GNAI3: variants seen among roughly 807,000 people sequenced by gnomAD.
The protein encoded by GNAI3 is G protein subunit alpha i3.
In GNAI3, 12 loss-of-function variants were observed where a neutral mutation model predicts 41.8. The ratio of observed to expected loss-of-function variants is 0.29; its 90% CI spans 0.18 to 0.47. The LOEUF (loss-of-function observed/expected upper bound fraction) is 0.47. Ranked by LOEUF, GNAI3 falls within the 20% of genes least tolerant of loss-of-function variation. The probability of loss-of-function intolerance (pLI) is 1.00; values close to 1 mark genes in which losing one functional copy is unlikely to be tolerated. For synonymous variants in GNAI3, 132 were observed against 146.5 expected (o/e 0.90, Z 0.71); for missense variants, 360 against 429.6 (o/e 0.84, Z 1.43).
chr1:109,553,198 T>C (rs943946052), intron 1 of GNAI3, among the ~76,000 whole-genome samples: 1 of 152,184 alleles, frequency 6.6e-6, no homozygotes, highest in African/African-American at 2.4e-5. Flanking sequence ...TTAATATCCT[T>C]TTGTGGTGAA....
At chr1:109,568,813 G>A (rs544632141) in intron 1 of GNAI3, among the ~76,000 whole-genome samples, 1 of 152,230 alleles carries the variant, frequency 6.6e-6, no homozygotes, top group African/African-American at 2.4e-5. Context: ...TGGGATTACA[G>A]GTGTGTGCTA....
intron 7 of GNAI3, among the ~76,000 whole-genome samples, chr1:109,588,825 G>A (rs1254670056): frequency 1.3e-5 from 2 of 151,416 alleles, no homozygotes; most frequent in Non-Finnish European, 3.0e-5. Context: ...CCCGGGAGGC[G>A]GAGGTTGCGG....
At chr1:109,551,331 A>T (rs1647978718) in intron 1 of GNAI3, among the ~76,000 whole-genome samples, 1 of 152,194 alleles carries the variant, frequency 6.6e-6, no homozygotes, top group Admixed American at 6.5e-5. Context: ...AATGTACCCA[A>T]AACAGTATAC....
chr1:109,554,002 C>T (rs1648074452), intron 1 of GNAI3, among the ~76,000 whole-genome samples: 1 of 152,090 alleles, frequency 6.6e-6, no homozygotes, highest in Non-Finnish European at 1.5e-5. Context: ...TAATCGTCTC[C>T]AGTTCCATCC....
intron 1 of GNAI3, among the ~76,000 whole-genome samples, chr1:109,560,888 T>C (rs1485683212): frequency 6.6e-6 from 1 of 152,180 alleles, no homozygotes; most frequent in Non-Finnish European, 1.5e-5. Flanking sequence ...AAAGTGAGTT[T>C]TGCCTAGGAT....
rs1649167804 is a variant in GNAI3, at chr1:109,591,426, CTG to C, written c.875-615_875-614del. 18 of 679,806 alleles carry C rather than the reference CTG, an allele frequency of 2.6e-5. No individual in the cohort carries two copies. The East Asian group carries it at 4.9e-4, about 18-fold the overall frequency. 42.1% of individuals were successfully genotyped at this position (679,806 alleles called of 1,614,324 possible). On this transcript the variant is annotated intron_variant, in intron 7 of 8. Transcript: ENST00000369851. The stretch of plus-strand genomic sequence containing the variant: ...TGGAAAAAGGACATCTAAAAGCAAA[CTG>C]TATCCTTCTCAACAATTTCTCACTT...
intron 1 of GNAI3, among the ~76,000 whole-genome samples, chr1:109,551,133 A>G (rs957959272): frequency 1.3e-5 from 2 of 152,250 alleles, no homozygotes; most frequent in Non-Finnish European, 2.9e-5. Flanking sequence ...GTAAAAATCA[A>G]AGTACTAAAC....
intron 4 of GNAI3, among the ~76,000 whole-genome samples, chr1:109,580,209 A>G (rs1382060330): frequency 6.6e-6 from 1 of 152,166 alleles, no homozygotes. Flanking sequence ...CGTGTTAGCC[A>G]GGATGGTCTC....
At chr1:109,559,728 G>T (rs771541975) in intron 1 of GNAI3, among the ~76,000 whole-genome samples, 1 of 152,098 alleles carries the variant, frequency 6.6e-6, no homozygotes, top group Non-Finnish European at 1.5e-5. Context: ...AATTTTAATT[G>T]TCTTTTGGTA....
intron 3 of GNAI3, among the ~76,000 whole-genome samples, chr1:109,576,925 A>G (rs1648762296): frequency 6.6e-6 from 1 of 152,188 alleles, no homozygotes; most frequent in Non-Finnish European, 1.5e-5. Flanking sequence ...TTGCTCCTAA[A>G]AGAATATTTA....
At position 109,594,888 on chromosome 1, in the gene GNAI3, C is replaced by CA. The variant is rs1030637642; in HGVS notation, c.*2567dup. 6.6e-6 allele frequency: 1 copy of CA among 152,194 alleles called. No homozygotes were observed. The highest frequency in any genetic ancestry group is 2.4e-5 in the African/African-American group (1 of 41,418). The allele number at this position is 152,194 out of a possible 1,614,324, so 9.4% of individuals were successfully genotyped here. A position where few individuals can be genotyped will look rare whatever the true frequency, so the allele number is the denominator to read the frequency against. ...CCCTGACCTCGTGATCTGCCTGCCT[C>CA]AGCCTCCCAAAGTGCTGGGATTACA... On this transcript the variant is annotated 3_prime_UTR_variant, in exon 9 of 9. Coordinates refer to ENST00000369851, the MANE Select transcript of GNAI3 (RefSeq NM_006496.4).
chr1:109,591,557 T>G (rs1649171806), intron 7 of GNAI3: 3 of 686,938 alleles, frequency 4.4e-6, no homozygotes, highest in Admixed American at 2.2e-5. Context: ...GCTTCACGAA[T>G]TTGCGTGTCA....
intron 1 of GNAI3, among the ~76,000 whole-genome samples, chr1:109,549,175 C>T (rs1218173697): frequency 2.6e-5 from 4 of 152,094 alleles, no homozygotes; most frequent in Non-Finnish European, 4.4e-5. Context: ...GAAGGTTTTA[C>T]GTTGGGTTGG....
chr1:109,558,582 C>G (rs1171488083), intron 1 of GNAI3, among the ~76,000 whole-genome samples: 1 of 152,142 alleles, frequency 6.6e-6, no homozygotes, highest in African/African-American at 2.4e-5. Context: ...ATGCATATAA[C>G]CAGCTCAGGG....
At chr1:109,580,083 G>A (rs1361271416) in intron 4 of GNAI3, among the ~76,000 whole-genome samples, 1 of 152,100 alleles carries the variant, frequency 6.6e-6, no homozygotes, top group African/African-American at 2.4e-5. Flanking sequence ...CTCACTGCAA[G>A]CTCCACCTCC....
intron 4 of GNAI3, among the ~76,000 whole-genome samples, chr1:109,580,383 G>A (rs1042569369): frequency 3.3e-5 from 5 of 152,070 alleles, no homozygotes; most frequent in Non-Finnish European, 1.5e-5. Context: ...ATGAGGGCAC[G>A]TTTAAGCATT....
chr1:109,560,906 G>A (rs1648294847), intron 1 of GNAI3, among the ~76,000 whole-genome samples: 1 of 152,178 alleles, frequency 6.6e-6, no homozygotes, highest in South Asian at 2.1e-4. Flanking sequence ...GATCTTGTAA[G>A]TTATTGAAGG....
rs1208999755 is a variant in GNAI3, at chr1:109,594,534, T to C, written c.*2212T>C. 1.3e-5 allele frequency: 2 copies of C among 152,164 alleles called. No homozygotes were observed. Among genetic ancestry groups the C allele is most frequent in the African/African-American group, 2.4e-5 (1 of 41,444 alleles). 9.4% of individuals were successfully genotyped at this position (152,164 alleles called of 1,614,324 possible). ...CCCAAATAACTTATCTAAATGCACA[T>C]TCCTTGAGGACACAGGGAGACAATT... On this transcript the variant is annotated 3_prime_UTR_variant, in exon 9 of 9. Coordinates refer to ENST00000369851, the MANE Select transcript of GNAI3 (RefSeq NM_006496.4).
intron 1 of GNAI3, among the ~76,000 whole-genome samples, chr1:109,556,951 C>A (rs561616789): frequency 3.9e-5 from 6 of 152,070 alleles, no homozygotes; most frequent in Non-Finnish European, 8.8e-5. Context: ...GTTCTCTTTC[C>A]TCCCGAGACA....
Sources: allele counts gnomAD v4.1 joint callset (sites outside exome capture counted in the v4.1 genomes callset), GRCh38; gene constraint gnomAD v4.1.1; transcripts MANE v1.5; gene names NCBI Gene and HGNC (gene_info 2026-07-23, HGNC 2026-07-21).